The following VCAM1 variants were observed in gnomAD, a reference collection of about 807,000 sequenced individuals.
VCAM1 encodes vascular cell adhesion molecule 1.
VCAM1 carries 41 observed loss-of-function variants against 63.8 expected under a neutral mutation model. The ratio of observed to expected loss-of-function variants is 0.64; its 90% CI spans 0.50 to 0.83. VCAM1 has a LOEUF of 0.83. Ranked by LOEUF, VCAM1 falls within the 40% of genes least tolerant of loss-of-function variation. The pLI, the probability that VCAM1 is intolerant of heterozygous loss-of-function variation, is 0.00. For missense variants in VCAM1, 798 were observed against 875.5 expected (o/e 0.91, Z 1.12); for synonymous variants, 338 against 320.7 (o/e 1.05, Z -0.58).
In VCAM1 at chr1:100,724,644, A is replaced by G. The variant is rs767797928; in HGVS notation, c.682A>G (p.Ile228Val). ...TTCAGTATCACCCAAGAATACAGTT[A>G]TTTCTGTGAATCCATCCACAAAGCT... ...QVYISPKNTV[I>V]SVNPSTKLQE... is the part of the protein sequence containing the mutation. The change falls in exon 4 of 9, where the codon ATT becomes GTT. Residue 228 changes from isoleucine to valine, a missense_variant. Coordinates refer to ENST00000294728, the MANE Select transcript of VCAM1 (RefSeq NM_001078.4). 2.5e-6 allele frequency: 4 copies of G among 1,612,726 alleles called. No individual in the cohort carries two copies. The South Asian group carries it at 3.3e-5, about 13-fold the overall frequency.
chr1:100,720,952 C>T (rs1219134045), intron 2 of VCAM1, among the ~76,000 whole-genome samples: 1 of 152,100 alleles, frequency 6.6e-6, no homozygotes, highest in Non-Finnish European at 1.5e-5. Context: ...TCTATTTCTA[C>T]CTCTGCCACA....
Position 100,731,377 on chromosome 1 carries a change from G to T in VCAM1, c.1384G>T (p.Glu462Ter). 1 of 1,613,804 alleles carries T rather than the reference G, an allele frequency of 6.2e-7. No homozygotes were observed. Among genetic ancestry groups the T allele is most frequent in the Non-Finnish European group, 8.5e-7 (1 of 1,179,850 alleles). Residue 462 changes from glutamate (E) to a stop codon, truncating the protein, a stop_gained, in exon 6 of 9, where the codon GAG (glutamate) becomes TAG (stop). Coordinates refer to ENST00000294728, the MANE Select transcript of VCAM1 (RefSeq NM_001078.4). LOFTEE classifies it high-confidence loss of function. The surrounding 1 kb of genome is among the most constrained non-coding windows in gnomAD (Gnocchi z 4.2). ...FLEDTDMKSL[E>*]NKSLEMTFIP... is the part of the protein sequence containing the mutation. ...GGAGGATACGGATATGAAATCTCTA[G>T]AGAACAAAAGTTTGGAAATGACCTT...
At position 100,719,898 on chromosome 1, in the gene VCAM1, A is replaced by G; in HGVS notation, c.38A>G (p.Asn13Ser). Residue 13 changes from asparagine to serine, a missense_variant, in exon 1 of 9, where the codon AAT becomes AGT. Coordinates refer to ENST00000294728, the MANE Select transcript of VCAM1 (RefSeq NM_001078.4). Reference sequence around the variant, plus strand: ...ATGGTCGTGATCCTTGGAGCCTCAAATATACTTTGGATAATGTTTGCAGCT... The same window carrying G: ...ATGGTCGTGATCCTTGGAGCCTCAAGTATACTTTGGATAATGTTTGCAGCT... ...GKMVVILGAS[N>S]ILWIMFAASQ... The G allele has an allele frequency of 1.2e-6, 2 of 1,611,448 alleles. No homozygotes were observed. The highest frequency in any genetic ancestry group is 2.2e-5 in the South Asian group (2 of 90,848).
At chr1:100,735,246 A>T (rs1660607840) in intron 8 of VCAM1, 1 of 153,968 alleles carries the variant, frequency 6.5e-6, no homozygotes, top group South Asian at 2.0e-4. Flanking sequence ...TGAACAACAT[A>T]AAAAAATCTC....
chr1:100,729,480 A>G (rs1660352653), intron 5 of VCAM1, 98 bp downstream of exon 5: 1 of 1,411,696 alleles, frequency 7.1e-7, no homozygotes, highest in African/African-American at 1.4e-5. Flanking sequence ...CCTTATGTTT[A>G]GAAAAGGAAT....
intron 3 of VCAM1, among the ~76,000 whole-genome samples, chr1:100,723,687 C>T (rs576285725): frequency 6.6e-6 from 1 of 152,158 alleles, no homozygotes; most frequent in East Asian, 1.9e-4. Flanking sequence ...TTTGTAAACT[C>T]TTATAGTATG....
In VCAM1 at chr1:100,731,734, G is replaced by A. The variant is rs1660464079; in HGVS notation, c.1525+216G>A. On this transcript the variant is annotated intron_variant, in intron 6 of 8. Transcript: ENST00000294728. This position sits in a 1 kb window ranked among gnomAD's most constrained non-coding sequence, Gnocchi z 4.2. The stretch of plus-strand genomic sequence containing the variant: ...TATGATGCTTTGAGTAGGCAATTTA[G>A]GAAGGGACCAGCTAGGCAGTTATTC... 6.6e-6 allele frequency among the ~76,000 whole-genome samples: 1 copy of A among 152,100 alleles called. No homozygotes were observed. The highest frequency in any genetic ancestry group is 2.1e-4 in the South Asian group (1 of 4,824).
At chr1:100,735,063 G>T (rs769636350) in intron 8 of VCAM1, 1 of 304,554 alleles carries the variant, frequency 3.3e-6, no homozygotes, top group African/African-American at 2.2e-5. Flanking sequence ...ACCTTTTCCC[G>T]GGAGGTTATA....
chr1:100,729,835 A>G (rs960438488), intron 5 of VCAM1, among the ~76,000 whole-genome samples: 1 of 152,180 alleles, frequency 6.6e-6, no homozygotes, highest in African/African-American at 2.4e-5. Context: ...AAGGAAGCCA[A>G]AATTAAAGAT....
chr1:100,724,534 G>A (rs747236154), intron 3 of VCAM1, 90 bp from the exon 4 acceptor site: 3 of 1,445,584 alleles, frequency 2.1e-6, no homozygotes, highest in Admixed American at 4.4e-5. Context: ...TCAAATTGGT[G>A]GAAGCACATA....
At chr1:100,733,336 C>G (rs1189358036) in intron 7 of VCAM1, among the ~76,000 whole-genome samples, 1 of 152,126 alleles carries the variant, frequency 6.6e-6, no homozygotes, top group Non-Finnish European at 1.5e-5. Flanking sequence ...TTCCTCTATC[C>G]CATCCCTTTT....
chr1:100,722,364 C>G (rs1211489747), intron 2 of VCAM1, among the ~76,000 whole-genome samples: 1 of 151,980 alleles, frequency 6.6e-6, no homozygotes. Flanking sequence ...GTCAGAGGCA[C>G]CATTTTCAGA....
chr1:100,730,846 A>G (rs1384535321), intron 5 of VCAM1, among the ~76,000 whole-genome samples: 1 of 152,168 alleles, frequency 6.6e-6, no homozygotes, highest in East Asian at 1.9e-4. Context: ...ATAACATGGC[A>G]AATTTTAAAA....
intron 3 of VCAM1, among the ~76,000 whole-genome samples, chr1:100,724,292 C>T (rs1660083955): frequency 6.6e-6 from 1 of 152,002 alleles, no homozygotes; most frequent in African/African-American, 2.4e-5. Context: ...TGGGTTGATT[C>T]TCTCAGTAAA....
chr1:100,723,383 A>T, intron 3 of VCAM1, 43 bp downstream of exon 3: 6 of 1,583,024 alleles, frequency 3.8e-6, no homozygotes, highest in Non-Finnish European at 5.2e-6. Flanking sequence ...TGGGAATCCC[A>T]CCTTGGTTGT....
chr1:100,738,074 C>A, intron 8 of VCAM1, 49 bp from the exon 9 acceptor site: 2 of 1,577,028 alleles, frequency 1.3e-6, no homozygotes, highest in Non-Finnish European at 1.7e-6. Context: ...TTATTAAATG[C>A]TATCTTTTTG....
rs1325620131 is a variant in VCAM1 at position 100,731,817 on chromosome 1, T to C, written c.1525+299T>C. On this transcript the variant is annotated intron_variant, in intron 6 of 8. Transcript: ENST00000294728. This position sits in a 1 kb window ranked among gnomAD's most constrained non-coding sequence, Gnocchi z 4.2. The stretch of plus-strand genomic sequence containing the variant: ...GCATTTTCAGTAAGGTTAGCAGGGC[T>C]GGCTGGTCTCAGATGACTTCACCCA... Among the ~76,000 whole-genome samples, 1 of 152,190 alleles carries C rather than the reference T, an allele frequency of 6.6e-6. No homozygotes were observed. Among genetic ancestry groups the C allele is most frequent in the East Asian group, 1.9e-4 (1 of 5,186 alleles).
chr1:100,729,404 T>G, intron 5 of VCAM1, 22 bp downstream of exon 5: 1 of 1,478,764 alleles, frequency 6.8e-7, no homozygotes, highest in Non-Finnish European at 9.0e-7. Flanking sequence ...TCAGAATTGT[T>G]TACTGTTTTT....
intron 7 of VCAM1, 34 bp downstream of exon 7, chr1:100,732,718 T>C (rs763289998): frequency 6.6e-7 from 1 of 1,509,118 alleles, no homozygotes; most frequent in Non-Finnish European, 8.8e-7. Flanking sequence ...TTATCCTTGC[T>C]AGTAATGTTT....
Sources: gnomAD v4.1 joint callset for allele counts (sites outside exome capture counted in the v4.1 genomes callset) on GRCh38, gnomAD v4.1.1 for gene constraint, Gnocchi (gnomAD v3.1) non-coding constraint, MANE v1.5 for transcripts, NCBI Gene and HGNC (gene_info 2026-07-23, HGNC 2026-07-21) for gene names.